Variants in ZSWIM1 observed in about 807,000 individuals in gnomAD.
ZSWIM1 encodes the protein zinc finger SWIM domain-containing protein 1.
ZSWIM1 carries 22 observed loss-of-function variants against 29.3 expected under a neutral mutation model. That is an observed-to-expected ratio of 0.75 (90% confidence interval 0.54 to 1.07). The LOEUF is 1.07. ZSWIM1 is among the 50% of genes least tolerant of loss of function. The pLI, the probability that ZSWIM1 is intolerant of heterozygous loss-of-function variation, is 0.00. For synonymous variants in ZSWIM1, 228 were observed against 240.8 expected, an observed-to-expected ratio of 0.95 and a Z score of 0.49; for missense variants, 511 against 596.2, an observed-to-expected ratio of 0.86 and a Z score of 1.49.
upstream of ZSWIM1, chr20:45,881,133 T>C (rs992934633): frequency 4.6e-5 from 7 of 152,296 alleles, no homozygotes; most frequent in African/African-American, 1.7e-4. Flanking sequence ...TGCTAAAGCC[T>C]GAAAGCGAAT....
Position 45,882,556 on chromosome 20 carries a change from G to T in ZSWIM1, c.-37G>T. On this transcript the variant is annotated 5_prime_UTR_variant, in exon 2 of 2. Coordinates refer to ENST00000372523, the MANE Select transcript of ZSWIM1 (RefSeq NM_080603.5). ...AGGCCCATCTTTGGAAAAAAGATCT[G>T]GGAATGATTGTCTAGCCTCCAGCCT... 1 of 1,581,274 alleles carries T rather than the reference G, an allele frequency of 6.3e-7. No individual in the cohort carries two copies. The highest frequency in any genetic ancestry group is 1.2e-5 in the South Asian group (1 of 84,920).
Position 45,882,636 on chromosome 20 carries a change from G to A in ZSWIM1, c.44G>A (p.Arg15Lys), listed in dbSNP as rs1417496050. The change falls in exon 2 of 2, where the codon AGA becomes AAA. Residue 15 changes from arginine (R) to lysine (K), a missense_variant. Transcript: ENST00000372523. Reference sequence around the variant, plus strand: ...GCCCCGTGGTCAGCTGCCCTGCAAAGAAAGTATTTTGACCTTGGCATTTGG... The same window carrying A: ...GCCCCGTGGTCAGCTGCCCTGCAAAAAAAGTATTTTGACCTTGGCATTTGG... ...LKAPWSAALQ[R>K]KYFDLGIWTA... 6.2e-7 allele frequency: 1 copy of A among 1,614,182 alleles called. No homozygotes were observed. The highest frequency in any genetic ancestry group is 8.5e-7 in the Non-Finnish European group (1 of 1,180,032).
At position 45,884,105 on chromosome 20, in the gene ZSWIM1, T is replaced by TACACACACACACAC. The variant is rs71181872; in HGVS notation, c.*80_*93dup. The TACACACACACACAC allele has an allele frequency of 3.9e-4, 426 of 1,089,712 alleles. No individual in the cohort carries two copies. In the African/African-American group the frequency reaches 6.8e-3, roughly 17 times the overall value. The allele number at this position is 1,089,712 out of a possible 1,614,324, so 67.5% of individuals were successfully genotyped here. On this transcript the variant is annotated 3_prime_UTR_variant, in exon 2 of 2. Coordinates refer to ENST00000372523, the MANE Select transcript of ZSWIM1 (RefSeq NM_080603.5). ...ACCTGTGCACACTCACATCCACCCA[T>TACACACACACACAC]ACACACACACACACACACACACACA... is the stretch of plus-strand genomic sequence containing the variant.
chr20:45,883,881 G>T lies in ZSWIM1; in HGVS notation c.1289G>T (p.Gly430Val), dbSNP rs770510773. Residue 430 changes from glycine (G) to valine (V), a missense_variant, in exon 2 of 2, where the codon GGC (glycine) becomes GTC (valine). Physicochemically the swap from Gly to Val is moderately radical, Grantham distance 109 (BLOSUM62 -3). Coordinates refer to ENST00000372523, the MANE Select transcript of ZSWIM1 (RefSeq NM_080603.5). The stretch of plus-strand genomic sequence containing the variant: ...GCTACCAGTCTAGACAGCATCCTGG[G>T]CAGCAAGTGGAGTGAGACCCTGGAT... ...GCATSLDSIL[G>V]SKWSETLDKH... 44 of 1,613,796 alleles carry T rather than the reference G, an allele frequency of 2.7e-5. No homozygotes were observed. The highest frequency in any genetic ancestry group is 3.5e-5 in the Non-Finnish European group (41 of 1,180,016).
At position 45,883,058 on chromosome 20, in the gene ZSWIM1, A is replaced by G. The variant is rs142962530; in HGVS notation, c.466A>G (p.Ile156Val). Reference sequence around the variant, plus strand: ...GGATCCTCATTTCCTTCCACTGCCTATCCTAGCTATGGAGTTCCCCACAGC... The same window carrying G: ...GGATCCTCATTTCCTTCCACTGCCTGTCCTAGCTATGGAGTTCCCCACAGC... ...LVDPHFLPLP[I>V]LAMEFPTAEV... Residue 156 changes from isoleucine to valine, a missense_variant, in exon 2 of 2, where the codon ATC becomes GTC. Transcript: ENST00000372523. 1.8e-4 allele frequency: 290 copies of G among 1,614,086 alleles called. 1 individual carries two copies. The African/African-American group carries it at 3.7e-3, about 20-fold the overall frequency.
intron 1 of ZSWIM1, among the ~76,000 whole-genome samples, chr20:45,882,227 T>C (rs1296413256): frequency 1.3e-5 from 2 of 152,224 alleles, no homozygotes; most frequent in African/African-American, 2.4e-5. Context: ...TATCTTTCCA[T>C]AGCTAACTTC....
Position 45,881,251 on chromosome 20 carries a change from C to A in ZSWIM1, c.-71C>A, listed in dbSNP as rs907459987. ...CAAATAGGGAGAAATGGCGACGGAG[C>A]CTGGCTGTGGGTGAGTGCTTCCTGA... On this transcript the variant is annotated 5_prime_UTR_variant, in exon 1 of 2. Transcript: ENST00000372523. 1 of 152,480 alleles carries A rather than the reference C, an allele frequency of 6.6e-6. No homozygotes were observed. The highest frequency in any genetic ancestry group is 1.5e-5 in the Non-Finnish European group (1 of 68,068). 9.4% of individuals were successfully genotyped at this position (152,480 alleles called of 1,614,324 possible).
rs71181872 is a variant in ZSWIM1, at chr20:45,884,105, T to TACACACACACACACACACACAC, written c.*72_*93dup. 2 of 1,027,430 alleles carry TACACACACACACACACACACAC rather than the reference T, an allele frequency of 1.9e-6. No homozygotes were observed. Among genetic ancestry groups the TACACACACACACACACACACAC allele is most frequent in the African/African-American group, 1.8e-5 (1 of 56,182 alleles). The allele number at this position is 1,027,430 out of a possible 1,614,324, so 63.6% of individuals were successfully genotyped here. ...ACCTGTGCACACTCACATCCACCCA[T>TACACACACACACACACACACAC]ACACACACACACACACACACACACA... On this transcript the variant is annotated 3_prime_UTR_variant, in exon 2 of 2. Transcript: ENST00000372523.
chr20:45,882,479 T>A, intron 1 of ZSWIM1, 54 bp from the exon 2 acceptor site: 1 of 1,295,922 alleles, frequency 7.7e-7, no homozygotes, highest in South Asian at 1.4e-5. Flanking sequence ...TGTGGATGAA[T>A]AATTGAAGAG....
In ZSWIM1 at chr20:45,883,824, AC is replaced by A; in HGVS notation, c.1233del (p.Asp411GlufsTer15). The A allele has an allele frequency of 1.9e-6, 3 of 1,613,640 alleles. No individual in the cohort carries two copies. The highest frequency in any genetic ancestry group is 2.5e-6 in the Non-Finnish European group (3 of 1,180,016). On this transcript the variant is annotated frameshift_variant, in exon 2 of 2. Transcript: ENST00000372523. LOFTEE classifies it high-confidence loss of function. ...LSARRQVLQP[D>X]MLPAQWTAGC... ...GCCCGCCGCCAGGTGCTCCAGCCCG[AC>A]ATGCTGCCGGCTCAGTGGACGGCAG...
At position 45,883,364 on chromosome 20, in the gene ZSWIM1, C is replaced by A; in HGVS notation, c.772C>A (p.Leu258Ile). 2 of 1,614,252 alleles carry A rather than the reference C, an allele frequency of 1.2e-6. No homozygotes were observed. The highest frequency in any genetic ancestry group is 1.7e-6 in the Non-Finnish European group (2 of 1,180,052). The stretch of plus-strand genomic sequence containing the variant: ...TGAGAGCAGCCACTACTTCCAGAGC[C>A]TCGAGGTCACCACCCACATCCTCAG... ...RAESSHYFQS[L>I]EVTTHILSQF... The change falls in exon 2 of 2, where the codon CTC becomes ATC. Residue 258 changes from leucine to isoleucine, a missense_variant. By Grantham distance (5) the Leu-to-Ile change is conservative. Transcript: ENST00000372523.
chr20:45,883,856 G>C lies in ZSWIM1; in HGVS notation c.1264G>C (p.Ala422Pro), dbSNP rs756674286. The C allele has an allele frequency of 6.2e-7, 1 of 1,613,596 alleles. No homozygotes were observed. The highest frequency in any genetic ancestry group is 1.7e-5 in the Admixed American group (1 of 60,014). The stretch of plus-strand genomic sequence containing the variant: ...GCCGGCTCAGTGGACGGCAGGCTGT[G>C]CTACCAGTCTAGACAGCATCCTGGG... ...MLPAQWTAGCATSLDSILGSK... is the reference protein window; with the variant it reads ...MLPAQWTAGCPTSLDSILGSK... The change falls in exon 2 of 2, where the codon GCT becomes CCT. Residue 422 changes from alanine to proline, a missense_variant. Ala to Pro is a conservative substitution (Grantham distance 27). Coordinates refer to ENST00000372523, the MANE Select transcript of ZSWIM1 (RefSeq NM_080603.5).
chr20:45,881,838 T>G (rs550687450), intron 1 of ZSWIM1, among the ~76,000 whole-genome samples: 38 of 152,164 alleles, frequency 2.5e-4, no homozygotes, highest in African/African-American at 8.9e-4. Context: ...AAATATAAAA[T>G]CGTATTTTTA....
rs1986412507 is a variant in ZSWIM1 at position 45,884,368 on chromosome 20, T to TTC, written c.*319_*320insCT. 5.4e-6 allele frequency: 1 copy of TTC among 185,832 alleles called. No homozygotes were observed. The highest frequency in any genetic ancestry group is 6.1e-5 in the Admixed American group (1 of 16,278). The allele number at this position is 185,832 out of a possible 1,614,324, so 11.5% of individuals were successfully genotyped here. On this transcript the variant is annotated 3_prime_UTR_variant, in exon 2 of 2. Transcript: ENST00000372523. ...TTAATATTTTTTTTCTTTTTTTTTT[T>TTC]TTTTTTTTTTTTGAGAAGGAGTCTG...
In ZSWIM1 at chr20:45,883,887, A is replaced by C. The variant is rs1986384588; in HGVS notation, c.1295A>C (p.Lys432Thr). Residue 432 changes from lysine (K) to threonine (T), a missense_variant, in exon 2 of 2, where the codon AAG (lysine) becomes ACG (threonine). Physicochemically the swap from Lys to Thr is moderately conservative, Grantham distance 78 (BLOSUM62 -1). Transcript: ENST00000372523. ...AGTCTAGACAGCATCCTGGGCAGCA[A>C]GTGGAGTGAGACCCTGGATAAGCAC... ...ATSLDSILGS[K>T]WSETLDKHLA... 6.2e-7 allele frequency: 1 copy of C among 1,614,048 alleles called. No individual in the cohort carries two copies. The highest frequency in any genetic ancestry group is 8.5e-7 in the Non-Finnish European group (1 of 1,180,024).
Position 45,884,145 on chromosome 20 carries a change from C to T in ZSWIM1, c.*95C>T, listed in dbSNP as rs1986403057. 7.0e-6 allele frequency: 10 copies of T among 1,428,872 alleles called. No homozygotes were observed. The highest frequency in any genetic ancestry group is 1.3e-5 in the South Asian group (1 of 75,006). The allele number at this position is 1,428,872 out of a possible 1,614,324, so 88.5% of individuals were successfully genotyped here. On this transcript the variant is annotated 3_prime_UTR_variant, in exon 2 of 2. Coordinates refer to ENST00000372523, the MANE Select transcript of ZSWIM1 (RefSeq NM_080603.5). ...ACACACACACACACACACACACACT[C>T]CCTTACACTGTTGTACTTCCGTGGG...
At position 45,883,236 on chromosome 20, in the gene ZSWIM1, C is replaced by CA; in HGVS notation, c.645dup (p.Leu216ThrfsTer35). 1.9e-6 allele frequency: 3 copies of CA among 1,613,860 alleles called. No homozygotes were observed. The highest frequency in any genetic ancestry group is 1.7e-6 in the Non-Finnish European group (2 of 1,180,042). Reference sequence around the variant, plus strand: ...GCAGGCAACCTGAGAAAGTTGTATACACTCCTGAGCAACTGCATCCCTCCA... The same window carrying CA: ...GCAGGCAACCTGAGAAAGTTGTATACAACTCCTGAGCAACTGCATCCCTCCA... On this transcript the variant is annotated frameshift_variant, in exon 2 of 2. Coordinates refer to ENST00000372523, the MANE Select transcript of ZSWIM1 (RefSeq NM_080603.5). LOFTEE classifies it high-confidence loss of function.
rs775953832 is a variant in ZSWIM1 at position 45,883,471 on chromosome 20, G to A, written c.879G>A (p.Lys293=). The A allele has an allele frequency of 1.2e-6, 2 of 1,614,226 alleles. No individual in the cohort carries two copies. The highest frequency in any genetic ancestry group is 4.5e-5 in the East Asian group (2 of 44,888). The part of the protein sequence containing the change: ...FRYMQQNSAD[K]ANFNQGLCAQ... ...ACATGCAGCAGAACTCTGCAGACAA[G>A]GCAAACTTCAACCAGGGCCTGTGTG... The change falls in exon 2 of 2, where the codon AAG becomes AAA. Residue 293 remains lysine (K), a synonymous_variant. Transcript: ENST00000372523.
Position 45,882,843 on chromosome 20 carries a change from C to T in ZSWIM1, c.251C>T (p.Thr84Ile). The stretch of plus-strand genomic sequence containing the variant: ...CCTGAGATCTTATTTATCCACCGGA[C>T]CTATAACCCAAGGGGTAAGGTCTTA... ...HFPEILFIHRTYNPRGKVLYT... is the reference protein window; with the variant it reads ...HFPEILFIHRIYNPRGKVLYT... Residue 84 changes from threonine (T) to isoleucine (I), a missense_variant, in exon 2 of 2, where the codon ACC becomes ATC. Physicochemically the swap from Thr to Ile is moderately conservative, Grantham distance 89. Transcript: ENST00000372523. The T allele has an allele frequency of 3.1e-6, 5 of 1,614,224 alleles. No homozygotes were observed. The highest frequency in any genetic ancestry group is 4.2e-6 in the Non-Finnish European group (5 of 1,180,048).
Sources: allele counts gnomAD v4.1 joint callset (sites outside exome capture counted in the v4.1 genomes callset), GRCh38; gene constraint gnomAD v4.1.1; transcripts MANE v1.5; gene names NCBI Gene and HGNC (gene_info 2026-07-23, HGNC 2026-07-21).